The following TAFA2 variants were observed in gnomAD, a reference collection of about 807,000 sequenced individuals.
TAFA2 encodes chemokine-like protein TAFA-2.
TAFA2 carries 7 observed loss-of-function variants against 18.8 expected under a neutral mutation model. The observed-to-expected ratio is 0.37, with a 90% confidence interval of 0.21 to 0.70. TAFA2 has a LOEUF of 0.70. Ranked by LOEUF, TAFA2 falls within the 30% of genes least tolerant of loss-of-function variation. The probability of loss-of-function intolerance (pLI) is 0.53; values close to 1 mark genes in which losing one functional copy is unlikely to be tolerated. For synonymous variants in TAFA2, 60 were observed against 54.2 expected (o/e 1.11, Z -0.47); for missense variants, 122 against 158.1 (o/e 0.77, Z 1.23).
chr12:61,924,200 C>A (rs1877180875), intron 1 of TAFA2, among the ~76,000 whole-genome samples: 1 of 152,160 alleles, frequency 6.6e-6, no homozygotes, highest in South Asian at 2.1e-4. Context: ...CCCAACCTAG[C>A]AAGACAGGCC....
chr12:61,949,802 A>G (rs1009611053), intron 1 of TAFA2, among the ~76,000 whole-genome samples: 6 of 152,116 alleles, frequency 3.9e-5, no homozygotes, highest in African/African-American at 1.4e-4. Context: ...TTACTATCTT[A>G]GTCATTTTAA....
At chr12:61,858,472 G>A (rs994748397) in intron 2 of TAFA2, among the ~76,000 whole-genome samples, 2 of 151,810 alleles carry the variant, frequency 1.3e-5, no homozygotes, top group Non-Finnish European at 2.9e-5. Context: ...AAGTTCTAGG[G>A]TACATGTGTG....
At chr12:62,019,663 A>C in intron 1 of TAFA2, among the ~76,000 whole-genome samples, 1 of 109,448 alleles carries the variant, frequency 9.1e-6, no homozygotes. Flanking sequence ...CACACCGGGG[A>C]CTGTTGTGGG....
intron 1 of TAFA2, among the ~76,000 whole-genome samples, chr12:62,112,925 A>T (rs1216941808): frequency 6.6e-6 from 1 of 152,108 alleles, no homozygotes; most frequent in African/African-American, 2.4e-5. Context: ...CTGGGTTAGA[A>T]CATGCTCCTT....
At chr12:61,841,835 A>C (rs1873196665) in intron 2 of TAFA2, among the ~76,000 whole-genome samples, 1 of 152,110 alleles carries the variant, frequency 6.6e-6, no homozygotes, top group African/African-American at 2.4e-5. Context: ...TCAAAACATC[A>C]CATTGTATCA....
At chr12:61,879,998 C>T in intron 1 of TAFA2, 1 of 787,572 alleles carries the variant, frequency 1.3e-6, no homozygotes, top group East Asian at 2.4e-5. Context: ...CTTCCTCAGG[C>T]AGCTGCATGA....
At chr12:61,778,127 CAA>C (rs1870349444) in intron 2 of TAFA2, among the ~76,000 whole-genome samples, 1 of 151,806 alleles carries the variant, frequency 6.6e-6, no homozygotes, top group Non-Finnish European at 1.5e-5. Flanking sequence ...ATCTACTTAA[CAA>C]AAGTGTTCTA....
chr12:62,101,196 C>T (rs1248378226), intron 1 of TAFA2, among the ~76,000 whole-genome samples: 1 of 152,066 alleles, frequency 6.6e-6, no homozygotes, highest in Non-Finnish European at 1.5e-5. Flanking sequence ...AAGAACAGCT[C>T]CATAGATTAG....
chr12:62,079,275 A>G (rs1364771708), intron 1 of TAFA2, among the ~76,000 whole-genome samples: 3 of 152,052 alleles, frequency 2.0e-5, no homozygotes, highest in Non-Finnish European at 4.4e-5. Flanking sequence ...CTCTCTATCA[A>G]ATATATATTT....
chr12:61,834,170 TA>T (rs931338381), intron 2 of TAFA2, among the ~76,000 whole-genome samples: 20 of 152,100 alleles, frequency 1.3e-4, no homozygotes. Context: ...ACAAGCACCA[TA>T]AATCAACAAA....
chr12:62,246,332 T>C (rs2062886387), intron 1 of TAFA2, among the ~76,000 whole-genome samples: 1 of 152,222 alleles, frequency 6.6e-6, no homozygotes, highest in Non-Finnish European at 1.5e-5. Context: ...TCTCTAACTA[T>C]GATTTATTTT....
chr12:61,790,959 A>G (rs137892661), intron 2 of TAFA2, among the ~76,000 whole-genome samples: 12 of 152,002 alleles, frequency 7.9e-5, no homozygotes, highest in Non-Finnish European at 1.5e-4. Flanking sequence ...ATTTCAAAAT[A>G]TACAACAACA....
At chr12:62,138,244 A>T (rs1171333008) in intron 1 of TAFA2, among the ~76,000 whole-genome samples, 1 of 152,160 alleles carries the variant, frequency 6.6e-6, no homozygotes, top group Non-Finnish European at 1.5e-5. Flanking sequence ...TGATTGTACC[A>T]CTGCACTCCT....
intron 1 of TAFA2, among the ~76,000 whole-genome samples, chr12:61,892,802 G>A (rs564922939): frequency 3.3e-5 from 5 of 152,276 alleles, no homozygotes; most frequent in Non-Finnish European, 5.9e-5. Context: ...TCGTTCCACT[G>A]CACTCCAGCC....
chr12:62,244,602 T>C (rs900180037), intron 1 of TAFA2, among the ~76,000 whole-genome samples: 6 of 152,192 alleles, frequency 3.9e-5, no homozygotes, highest in African/African-American at 1.2e-4. Flanking sequence ...AGATGTAAAA[T>C]TGCTGAGGCA....
At chr12:62,233,212 G>C (rs745871389) in intron 1 of TAFA2, among the ~76,000 whole-genome samples, 5 of 150,300 alleles carry the variant, frequency 3.3e-5, no homozygotes, top group Admixed American at 6.6e-5. Flanking sequence ...TCCTGAGTAG[G>C]TGGGACTATA....
intron 1 of TAFA2, among the ~76,000 whole-genome samples, chr12:62,229,594 T>G (rs1288983665): frequency 6.6e-6 from 1 of 152,138 alleles, no homozygotes; most frequent in East Asian, 1.9e-4. Flanking sequence ...CTTTTTAATG[T>G]GCTATTGTAT....
intron 1 of TAFA2, among the ~76,000 whole-genome samples, chr12:61,900,437 G>A (rs1049760484): frequency 6.6e-6 from 1 of 152,126 alleles, no homozygotes; most frequent in Non-Finnish European, 1.5e-5. Flanking sequence ...GCTAATAAAG[G>A]CATACCCAAG....
chr12:61,905,717 C>T (rs1876320554), intron 1 of TAFA2, among the ~76,000 whole-genome samples: 1 of 152,160 alleles, frequency 6.6e-6, no homozygotes. Context: ...AAGCTCTTGT[C>T]CTCCTCATGT....
Sources: allele counts gnomAD v4.1 joint callset (sites outside exome capture counted in the v4.1 genomes callset), GRCh38; gene constraint gnomAD v4.1.1; transcripts MANE v1.5; gene names NCBI Gene and HGNC (gene_info 2026-07-23, HGNC 2026-07-21).